TRAT1: variants seen among roughly 807,000 people sequenced by gnomAD.
The protein encoded by TRAT1 is T-cell receptor-associated transmembrane adapter 1.
In TRAT1, 20 loss-of-function variants were observed where a neutral mutation model predicts 20.0. The observed-to-expected ratio is 1.00, with a 90% confidence interval of 0.70 to 1.45. TRAT1 has a LOEUF of 1.45. Among genes scored for constraint, TRAT1 ranks in the 40% most tolerant of loss-of-function variants. The pLI is 0.00. For missense variants in TRAT1, 237 were observed against 224.1 expected, an observed-to-expected ratio of 1.06 and a Z score of -0.37; for synonymous variants, 77 against 74.2, an observed-to-expected ratio of 1.04 and a Z score of -0.20.
chr3:108,853,947 A>G lies in TRAT1; in HGVS notation c.*70A>G, dbSNP rs1407242587. 6.9e-7 allele frequency: 1 copy of G among 1,440,158 alleles called. No homozygotes were observed. The highest frequency in any genetic ancestry group is 9.6e-7 in the Non-Finnish European group (1 of 1,039,656). 89.2% of individuals were successfully genotyped at this position (1,440,158 alleles called of 1,614,324 possible). ...GCTTCTAAGAAAACAAGATGCACAG[A>G]GGACACAGAAGGACTTGGCAGCAGG... On this transcript the variant is annotated 3_prime_UTR_variant, in exon 6 of 6. Transcript: ENST00000295756.
At chr3:108,845,981 G>C (rs1421276981) in intron 3 of TRAT1, among the ~76,000 whole-genome samples, 1 of 152,206 alleles carries the variant, frequency 6.6e-6, no homozygotes, top group Non-Finnish European at 1.5e-5. Context: ...GCTAGCAAGA[G>C]CAAATAGCTG....
chr3:108,845,768 G>T (rs1378021630), intron 3 of TRAT1, among the ~76,000 whole-genome samples: 1 of 151,428 alleles, frequency 6.6e-6, no homozygotes, highest in Non-Finnish European at 1.5e-5. Flanking sequence ...CAAAGTTAAA[G>T]CAGTCGGTAC....
intron 2 of TRAT1, among the ~76,000 whole-genome samples, chr3:108,833,799 TAC>T (rs3054303): frequency 0.035 from 5,193 of 146,362 alleles, 158 homozygotes; most frequent in African/African-American, 0.081. Flanking sequence ...TTGTAAGAAT[TAC>T]ACACACACAC....
At chr3:108,839,064 T>G (rs960105835) in intron 3 of TRAT1, 97 bp downstream of exon 3, 42 of 902,102 alleles carry the variant, frequency 4.7e-5, no homozygotes, top group Non-Finnish European at 6.9e-5. Context: ...ATATTGTACT[T>G]AGGTTAAAAT....
chr3:108,835,043 G>A (rs57383882), intron 2 of TRAT1, among the ~76,000 whole-genome samples: 4,628 of 152,192 alleles, frequency 0.03, 107 homozygotes, highest in Middle Eastern at 0.095. Context: ...CTCTGGTTTG[G>A]AAAGAAGGAT....
intron 4 of TRAT1, 108 bp from the exon 5 acceptor site, chr3:108,849,058 C>T (rs976823247): frequency 2.2e-6 from 2 of 930,044 alleles, no homozygotes; most frequent in Middle Eastern, 2.2e-4. Flanking sequence ...TTAAGTAATT[C>T]TTGGGCAGTT....
At chr3:108,845,572 C>T (rs1425126164) in intron 3 of TRAT1, among the ~76,000 whole-genome samples, 1 of 152,160 alleles carries the variant, frequency 6.6e-6, no homozygotes, top group African/African-American at 2.4e-5. Context: ...CATATCTGGG[C>T]TTTTCAAGCC....
chr3:108,833,823 C>T (rs1448599615), intron 2 of TRAT1, among the ~76,000 whole-genome samples: 1 of 151,994 alleles, frequency 6.6e-6, no homozygotes, highest in Non-Finnish European at 1.5e-5. Context: ...CACACACACA[C>T]ACACACACAT....
At chr3:108,843,282 A>T (rs975668998) in intron 3 of TRAT1, among the ~76,000 whole-genome samples, 2 of 152,216 alleles carry the variant, frequency 1.3e-5, no homozygotes, top group African/African-American at 4.8e-5. Context: ...CTGTAATCTC[A>T]GCACTTTGGG....
intron 5 of TRAT1, among the ~76,000 whole-genome samples, chr3:108,849,761 CA>C (rs1454561711): frequency 6.6e-6 from 1 of 152,130 alleles, no homozygotes; most frequent in African/African-American, 2.4e-5. Context: ...GCAAAATATA[CA>C]CACAGTTTAT....
chr3:108,849,319 A>G (rs541773448), intron 5 of TRAT1, 65 bp downstream of exon 5: 24 of 1,353,450 alleles, frequency 1.8e-5, no homozygotes, highest in Non-Finnish European at 2.4e-5. Context: ...ACATTATGAT[A>G]CACATCTGAA....
rs1945704945 is a variant in TRAT1, at chr3:108,822,863, A to G, written c.-65A>G. On this transcript the variant is annotated 5_prime_UTR_variant, in exon 1 of 6. Transcript: ENST00000295756. ...AACATCACCTAGGAAAAAAGTTTGTAGGAGGATTTTTAATCCATATATTTG... is the reference window on the plus strand; with the variant it reads ...AACATCACCTAGGAAAAAAGTTTGTGGGAGGATTTTTAATCCATATATTTG... 1.4e-6 allele frequency: 2 copies of G among 1,480,596 alleles called. No homozygotes were observed. The highest frequency in any genetic ancestry group is 9.4e-7 in the Non-Finnish European group (1 of 1,064,466). The allele number at this position is 1,480,596 out of a possible 1,614,324, so 91.7% of individuals were successfully genotyped here.
chr3:108,827,376 AT>A (rs1559819540), intron 1 of TRAT1, among the ~76,000 whole-genome samples: 3,432 of 108,900 alleles, frequency 0.032, 117 homozygotes, highest in African/African-American at 0.11. Context: ...GGTATAAAGT[AT>A]GTGTGTATGT....
chr3:108,830,163 C>G (rs1945779843), intron 1 of TRAT1, among the ~76,000 whole-genome samples: 1 of 152,134 alleles, frequency 6.6e-6, no homozygotes, highest in South Asian at 2.1e-4. Flanking sequence ...GAGAAAAGCT[C>G]CCTGTGGCCA....
At chr3:108,834,199 T>C (rs1472899637) in intron 2 of TRAT1, among the ~76,000 whole-genome samples, 2 of 152,248 alleles carry the variant, frequency 1.3e-5, no homozygotes, top group Non-Finnish European at 2.9e-5. Context: ...TTTTATGGAA[T>C]TGATTCTAAA....
chr3:108,829,165 G>A (rs186572081), intron 1 of TRAT1, among the ~76,000 whole-genome samples: 4 of 152,114 alleles, frequency 2.6e-5, no homozygotes, highest in East Asian at 1.9e-4. Context: ...TAACCAATGC[G>A]ACTCCCTGGT....
rs1163739042 is a variant in TRAT1 at position 108,849,171 on chromosome 3, A to G, written c.220A>G (p.Met74Val). Residue 74 changes from methionine (M) to valine (V), a missense_variant, in exon 5 of 6, where the codon ATG (methionine) becomes GTG (valine). By Grantham distance (21) the Met-to-Val change is conservative. Coordinates refer to ENST00000295756, the MANE Select transcript of TRAT1 (RefSeq NM_016388.4). ...GNLDDMISEP[M>V]DENCYEQMKA... The stretch of plus-strand genomic sequence containing the variant: ...CAATCTTTTTAATTCCCAAGAACCA[A>G]TGGATGAAAATTGCTATGAACAAAT... The G allele has an allele frequency of 1.9e-6, 3 of 1,613,294 alleles. No individual in the cohort carries two copies. The highest frequency in any genetic ancestry group is 1.7e-5 in the Admixed American group (1 of 59,878).
chr3:108,852,546 C>T (rs1946007290), intron 5 of TRAT1, among the ~76,000 whole-genome samples: 2 of 152,228 alleles, frequency 1.3e-5, no homozygotes, highest in East Asian at 3.9e-4. Context: ...GTTGTTAATC[C>T]AAATGTTATT....
At chr3:108,850,029 T>G (rs2922118) in intron 5 of TRAT1, among the ~76,000 whole-genome samples, 83,700 of 152,030 alleles carry the variant, frequency 0.55, 23,471 homozygotes, top group East Asian at 0.9. Flanking sequence ...CTAAGCAATT[T>G]TTACGTGTTG....
Sources: allele counts gnomAD v4.1 joint callset (sites outside exome capture counted in the v4.1 genomes callset), GRCh38; gene constraint gnomAD v4.1.1; transcripts MANE v1.5; gene names NCBI Gene and HGNC (gene_info 2026-07-23, HGNC 2026-07-21).